Variants in CDK17 observed in about 807,000 individuals in gnomAD.
CDK17 encodes cyclin-dependent kinase 17.
CDK17 carries 24 observed loss-of-function variants against 77.6 expected under a neutral mutation model. The observed-to-expected ratio is 0.31, with a 90% CI of 0.22 to 0.44. The LOEUF (loss-of-function observed/expected upper bound fraction) is 0.44, where lower values mean the gene tolerates loss of function less well. Ranked by LOEUF, CDK17 falls within the 20% of genes least tolerant of loss-of-function variation. CDK17 has a pLI of 1.00. For synonymous variants in CDK17, 203 were observed against 210.4 expected (o/e 0.96, Z 0.30); for missense variants, 429 against 622.5 (o/e 0.69, Z 3.31).
chr12:96,308,765 A>AATAATAATG (rs1383284887), intron 5 of CDK17, among the ~76,000 whole-genome samples: 1 of 148,076 alleles, frequency 6.8e-6, no homozygotes, highest in Non-Finnish European at 1.5e-5. Context: ...TAATAATAAT[A>AATAATAATG]ATGTAAAAAA....
intron 11 of CDK17, among the ~76,000 whole-genome samples, chr12:96,287,141 G>A (rs1032662245): frequency 6.6e-6 from 1 of 152,160 alleles, no homozygotes; most frequent in East Asian, 1.9e-4. Flanking sequence ...CAGGAGTGGG[G>A]AAAAACAACT....
intron 2 of CDK17, among the ~76,000 whole-genome samples, chr12:96,326,810 G>A (rs747258573): frequency 8.5e-5 from 13 of 152,148 alleles, no homozygotes; most frequent in African/African-American, 1.9e-4. Flanking sequence ...CTAACCGTGC[G>A]GGCAACAGTG....
chr12:96,287,461 T>C (rs962835293), intron 11 of CDK17, among the ~76,000 whole-genome samples: 1 of 152,146 alleles, frequency 6.6e-6, no homozygotes, highest in Non-Finnish European at 1.5e-5. Context: ...ATATAGAAAG[T>C]AAAATGATAT....
In CDK17 at chr12:96,379,618, G is replaced by A. The variant is rs960559640; in HGVS notation, c.-30+20368C>T. ...TTTCTTAAACATTTTTTGTAGAGAC[G>A]GGGATCTCACTATGTTGCCCAGGCT... On this transcript the variant is annotated intron_variant, in intron 1 of 16. Coordinates refer to ENST00000261211, the MANE Select transcript of CDK17 (RefSeq NM_002595.5). 2.6e-5 allele frequency among the ~76,000 whole-genome samples: 4 copies of A among 151,842 alleles called. 1 individual carries two copies. Among genetic ancestry groups the A allele is most frequent in the Admixed American group, 2.0e-4 (3 of 15,264 alleles).
chr12:96,291,379 C>T (rs897019720), intron 10 of CDK17, among the ~76,000 whole-genome samples: 3 of 152,042 alleles, frequency 2.0e-5, no homozygotes, highest in Non-Finnish European at 4.4e-5. Flanking sequence ...GAAGCCTCAA[C>T]CTCCCGGGCA....
chr12:96,292,952 C>T (rs545969952), intron 10 of CDK17, among the ~76,000 whole-genome samples: 1 of 152,170 alleles, frequency 6.6e-6, no homozygotes, highest in Non-Finnish European at 1.5e-5. Context: ...TGCTTCTAAA[C>T]TCATTGTTCT....
At chr12:96,393,376 A>AAAAAAAC (rs1954107972) in intron 1 of CDK17, among the ~76,000 whole-genome samples, 1 of 151,442 alleles carries the variant, frequency 6.6e-6, no homozygotes, top group African/African-American at 2.4e-5. Flanking sequence ...AAAAAAAAAA[A>AAAAAAAC]AAAGCTAATT....
chr12:96,399,727 G>C (rs1304283489), intron 1 of CDK17, among the ~76,000 whole-genome samples: 2 of 152,094 alleles, frequency 1.3e-5, no homozygotes, highest in African/African-American at 4.8e-5. Context: ...GCGCCTCCTG[G>C]GAAGCAGCTC....
chr12:96,318,136 A>G (rs1361951917), intron 3 of CDK17, among the ~76,000 whole-genome samples: 3 of 149,882 alleles, frequency 2.0e-5, no homozygotes, highest in Non-Finnish European at 4.5e-5. Flanking sequence ...AAAAAAAAGC[A>G]GGGGTTGCAA....
intron 1 of CDK17, among the ~76,000 whole-genome samples, chr12:96,394,088 A>C (rs1023841849): frequency 6.6e-6 from 1 of 151,984 alleles, no homozygotes; most frequent in Admixed American, 6.6e-5. Context: ...TCTACTAAAA[A>C]TACAAAAATT....
chr12:96,329,224 G>C (rs2137134238), intron 2 of CDK17, among the ~76,000 whole-genome samples: 1 of 152,086 alleles, frequency 6.6e-6, no homozygotes, highest in South Asian at 2.1e-4. Flanking sequence ...TAGCAGTGAT[G>C]GTTACGCAAT....
chr12:96,297,973 T>C (rs774912165), intron 7 of CDK17, among the ~76,000 whole-genome samples: 56 of 151,678 alleles, frequency 3.7e-4, no homozygotes, highest in Middle Eastern at 3.4e-3. Flanking sequence ...AAAGCAATAA[T>C]TTACCAAGGG....
In CDK17 at chr12:96,313,436, A is replaced by G; in HGVS notation, c.302T>C (p.Leu101Pro). 6.4e-7 allele frequency: 1 copy of G among 1,564,108 alleles called. No individual in the cohort carries two copies. Among genetic ancestry groups the G allele is most frequent in the Non-Finnish European group, 8.6e-7 (1 of 1,156,414 alleles). ...ACTCTCACCATCTGATCCCATTTTT[A>G]GATTTTCATGAACAATATCTATATC... Reference protein sequence around the residue: ...GSRLDIVHENLKMGSDGESDQ... With the variant: ...GSRLDIVHENPKMGSDGESDQ... Residue 101 changes from leucine to proline, a missense_variant, in exon 4 of 17, where the codon CTA becomes CCA. Leu to Pro is a moderately conservative substitution (Grantham distance 98). Coordinates refer to ENST00000261211, the MANE Select transcript of CDK17 (RefSeq NM_002595.5).
intron 1 of CDK17, among the ~76,000 whole-genome samples, chr12:96,381,311 T>C (rs1055573964): frequency 1.3e-5 from 2 of 151,960 alleles, no homozygotes; most frequent in Non-Finnish European, 2.9e-5. Context: ...AACCCTTATC[T>C]GTAAGTTTTG....
At chr12:96,363,472 T>C (rs1953529476) in intron 1 of CDK17, among the ~76,000 whole-genome samples, 2 of 135,166 alleles carry the variant, frequency 1.5e-5, no homozygotes, top group Non-Finnish European at 1.6e-5. Context: ...AAAAAAAAAT[T>C]AGAGCCCCCT....
At chr12:96,388,431 C>A (rs1313298869) in intron 1 of CDK17, among the ~76,000 whole-genome samples, 1 of 152,172 alleles carries the variant, frequency 6.6e-6, no homozygotes, top group Non-Finnish European at 1.5e-5. Flanking sequence ...ATGCAACACA[C>A]ACCCATTAAT....
chr12:96,326,984 G>C (rs1220764250), intron 2 of CDK17, among the ~76,000 whole-genome samples: 1 of 152,134 alleles, frequency 6.6e-6, no homozygotes, highest in African/African-American at 2.4e-5. Context: ...CACTGTGAAG[G>C]GTTAAAGATA....
intron 5 of CDK17, among the ~76,000 whole-genome samples, chr12:96,310,065 G>A (rs992480036): frequency 1.6e-4 from 25 of 152,122 alleles, no homozygotes; most frequent in African/African-American, 4.1e-4. Flanking sequence ...GCCAAAAACC[G>A]AAAACAACCA....
In CDK17 at chr12:96,291,711, C is replaced by T. The variant is rs887846094; in HGVS notation, c.998-2424G>A. Among the ~76,000 whole-genome samples, 4 of 151,062 alleles carry T rather than the reference C, an allele frequency of 2.6e-5. No individual in the cohort carries two copies. The South Asian group carries it at 6.3e-4, about 24-fold the overall frequency. On this transcript the variant is annotated intron_variant, in intron 10 of 16. Transcript: ENST00000261211. ...TTGGCTCACTGCAACCTCCGCCTCC[C>T]GGGTTCAAGCAATTCTCCTGCCTAA...
Sources: gnomAD v4.1 joint callset for allele counts (sites outside exome capture counted in the v4.1 genomes callset) on GRCh38, gnomAD v4.1.1 for gene constraint, MANE v1.5 for transcripts, NCBI Gene and HGNC (gene_info 2026-07-23, HGNC 2026-07-21) for gene names.